Variants in NDUFAF7 observed in about 807,000 individuals in gnomAD.
The protein encoded by NDUFAF7 is NADH:ubiquinone oxidoreductase complex assembly factor 7.
NDUFAF7 carries 48 observed loss-of-function variants against 47.2 expected under a neutral mutation model. That is an observed-to-expected ratio of 1.02 (90% CI 0.81 to 1.29). NDUFAF7 has a LOEUF of 1.29. Ranked by LOEUF, NDUFAF7 falls within the 50% of genes most tolerant of loss-of-function variation. The pLI is 0.00. For missense variants in NDUFAF7, 635 were observed against 537.6 expected (o/e 1.18, Z -1.79); for synonymous variants, 217 against 190.0 (o/e 1.14, Z -1.17).
At position 37,242,635 on chromosome 2, in the gene NDUFAF7, G is replaced by A. The variant is rs1165532872; in HGVS notation, c.623G>A (p.Gly208Glu). The A allele has an allele frequency of 6.3e-7, 1 of 1,584,320 alleles. No individual in the cohort carries two copies. Among genetic ancestry groups the A allele is most frequent in the Non-Finnish European group, 8.7e-7 (1 of 1,153,776 alleles). The change falls in exon 6 of 10, where the codon GGG becomes GAG. Residue 208 changes from glycine (G) to glutamate (E), a missense_variant and splice_region_variant. By Grantham distance (98) the Gly-to-Glu change is moderately conservative. Coordinates refer to ENST00000002125, the MANE Select transcript of NDUFAF7 (RefSeq NM_144736.5). ...TAATTGTTTTCCTCTTTTTAAATAG[G>A]GTACAGCTTTTATCTTGCACATGAA... ...WYRDLHDVPKGYSFYLAHEFF... is the reference protein window; with the variant it reads ...WYRDLHDVPKEYSFYLAHEFF...
At chr2:37,262,785 A>C in the NDUFAF7 span, among the ~76,000 whole-genome samples, 1 of 151,984 alleles carries the variant, frequency 6.6e-6, no homozygotes, top group Non-Finnish European at 1.5e-5. Flanking sequence ...TACATTTTCT[A>C]TTTCCTCTGG....
the NDUFAF7 span, chr2:37,267,614 A>C: frequency 2.9e-6 from 3 of 1,042,100 alleles, no homozygotes; most frequent in African/African-American, 4.8e-5. Context: ...ACTGAAATTT[A>C]TATGTATTTA....
intron 4 of NDUFAF7, among the ~76,000 whole-genome samples, chr2:37,239,802 A>G (rs1279130420): frequency 6.6e-6 from 1 of 152,232 alleles, no homozygotes; most frequent in Non-Finnish European, 1.5e-5. Flanking sequence ...ACATTAAACA[A>G]TATGTATTTG....
At chr2:37,262,692 C>T in the NDUFAF7 span, among the ~76,000 whole-genome samples, 2 of 152,088 alleles carry the variant, frequency 1.3e-5, no homozygotes, top group African/African-American at 4.8e-5. Context: ...CCCCCCTGCC[C>T]TCCTTTAAAA....
At chr2:37,269,737 G>T in the NDUFAF7 span, 1 of 1,284,898 alleles carries the variant, frequency 7.8e-7, no homozygotes, top group Non-Finnish European at 1.1e-6. Context: ...ATAATACAAT[G>T]TCAACATCTC....
the NDUFAF7 span, among the ~76,000 whole-genome samples, chr2:37,263,812 A>G: frequency 6.6e-6 from 1 of 152,160 alleles, no homozygotes; most frequent in African/African-American, 2.4e-5. Flanking sequence ...GGAAATCTAC[A>G]TGATTTTATA....
chr2:37,253,294 G>A (rs1365972864), downstream of NDUFAF7: 7 of 1,612,936 alleles, frequency 4.3e-6, no homozygotes, highest in Middle Eastern at 1.6e-4. Context: ...CATGTGTAAT[G>A]TAACGTTCTC....
intron 4 of NDUFAF7, among the ~76,000 whole-genome samples, chr2:37,240,456 G>A (rs1315616140): frequency 6.6e-6 from 1 of 151,192 alleles, no homozygotes; most frequent in Non-Finnish European, 1.5e-5. Flanking sequence ...TAAATTTCTT[G>A]ATGCTTTATG....
the NDUFAF7 span, among the ~76,000 whole-genome samples, chr2:37,266,060 A>G: frequency 3.3e-5 from 5 of 152,204 alleles, no homozygotes; most frequent in Non-Finnish European, 7.3e-5. Context: ...CATATTCAAC[A>G]GAGTATGAAT....
downstream of NDUFAF7, chr2:37,256,991 C>T (rs1353920560): frequency 6.6e-7 from 1 of 1,524,308 alleles, no homozygotes; most frequent in Non-Finnish European, 9.0e-7. Context: ...CTACCTGTCC[C>T]TAAATATAAC....
intron 4 of NDUFAF7, among the ~76,000 whole-genome samples, chr2:37,239,848 AAGTC>A (rs1297023177): frequency 6.6e-6 from 1 of 152,214 alleles, no homozygotes; most frequent in African/African-American, 2.4e-5. Context: ...TTATAAAGAA[AAGTC>A]AGGGTGTTAT....
chr2:37,246,794 A>C (rs1666961523), intron 8 of NDUFAF7, among the ~76,000 whole-genome samples: 1 of 152,186 alleles, frequency 6.6e-6, no homozygotes, highest in Non-Finnish European at 1.5e-5. Context: ...AGTTTGTTGA[A>C]AATACTCATT....
At chr2:37,245,452 C>T (rs1246118261) in intron 7 of NDUFAF7, among the ~76,000 whole-genome samples, 2 of 152,056 alleles carry the variant, frequency 1.3e-5, no homozygotes, top group African/African-American at 4.8e-5. Flanking sequence ...TTATTGTGGC[C>T]CCTTAGTTAA....
downstream of NDUFAF7, among the ~76,000 whole-genome samples, chr2:37,254,543 G>C (rs1667781058): frequency 6.6e-6 from 1 of 152,224 alleles, no homozygotes; most frequent in South Asian, 2.1e-4. Context: ...GAACCTGACT[G>C]CCTGGGCTGA....
At chr2:37,270,530 GAACT>G in the NDUFAF7 span, among the ~76,000 whole-genome samples, 1 of 151,626 alleles carries the variant, frequency 6.6e-6, no homozygotes, top group Non-Finnish European at 1.5e-5. Context: ...GTTGCTGTCA[GAACT>G]AACAGAACTA....
chr2:37,265,867 A>G, the NDUFAF7 span, among the ~76,000 whole-genome samples: 7,512 of 152,244 alleles, frequency 0.049, 557 homozygotes, highest in African/African-American at 0.16. Context: ...AAATTTAGTT[A>G]TTATGATCCA....
Position 37,237,867 on chromosome 2 carries a change from G to C in NDUFAF7, c.408G>C (p.Arg136Ser). The change falls in exon 4 of 10, where the codon AGG (arginine) becomes AGC (serine). Residue 136 changes from arginine (R) to serine (S), a missense_variant and splice_region_variant. Coordinates refer to ENST00000002125, the MANE Select transcript of NDUFAF7 (RefSeq NM_144736.5). ...GAACCCTCGTGGGAGATATTTTGAG[G>C]GTAGGTAATAAAAGAATGTCTTCTA... ...GRGTLVGDIL[R>S]VFTQLGSVLK... is the part of the protein sequence containing the mutation. 6.3e-7 allele frequency: 1 copy of C among 1,589,424 alleles called. No homozygotes were observed. Among genetic ancestry groups the C allele is most frequent in the East Asian group, 2.2e-5 (1 of 44,730 alleles).
At chr2:37,235,024 GA>G (rs777505127) in intron 2 of NDUFAF7, among the ~76,000 whole-genome samples, 2 of 152,158 alleles carry the variant, frequency 1.3e-5, no homozygotes, top group Admixed American at 6.5e-5. Context: ...GGGATATGAA[GA>G]TAAATAAGGC....
chr2:37,269,707 A>G, the NDUFAF7 span: 1 of 1,533,886 alleles, frequency 6.5e-7, no homozygotes, highest in Non-Finnish European at 9.0e-7. Flanking sequence ...TAAAGTAAGG[A>G]GTTAGTATTA....
Sources: gnomAD v4.1 joint callset for allele counts (sites outside exome capture counted in the v4.1 genomes callset) on GRCh38, gnomAD v4.1.1 for gene constraint, MANE v1.5 for transcripts, NCBI Gene and HGNC (gene_info 2026-07-23, HGNC 2026-07-21) for gene names.